The following PLCG2 variants were observed in gnomAD, a reference collection of about 807,000 sequenced individuals.
PLCG2 encodes phospholipase C gamma 2.
In PLCG2, 69 loss-of-function variants were observed where a neutral mutation model predicts 175.6. That is an observed-to-expected ratio of 0.39 (90% CI 0.32 to 0.48). The LOEUF is 0.48. PLCG2 is among the 20% of genes least tolerant of loss of function. The probability of loss-of-function intolerance (pLI) is 0.91; values close to 1 mark genes in which losing one functional copy is unlikely to be tolerated. For missense variants in PLCG2, 1,798 were observed against 1,650.9 expected, an observed-to-expected ratio of 1.09 and a Z score of -1.54; for synonymous variants, 827 against 624.0, an observed-to-expected ratio of 1.33 and a Z score of -4.85.
At chr16:81,924,544 C>T (rs1910182789) in intron 22 of PLCG2, among the ~76,000 whole-genome samples, 1 of 152,214 alleles carries the variant, frequency 6.6e-6, no homozygotes, top group African/African-American at 2.4e-5. Flanking sequence ...ACATAGCAGG[C>T]TGAGATTTGA....
chr16:81,856,156 G>C (rs1906671334), intron 3 of PLCG2, among the ~76,000 whole-genome samples: 1 of 152,170 alleles, frequency 6.6e-6, no homozygotes, highest in Non-Finnish European at 1.5e-5. Flanking sequence ...CTGGCTCTGA[G>C]ACAAACTCAG....
intron 1 of PLCG2, chr16:81,755,813 A>C (rs1404613869): frequency 6.6e-6 from 1 of 152,346 alleles, no homozygotes; most frequent in African/African-American, 2.4e-5. Flanking sequence ...GGTGTGAGCC[A>C]CTGCACCCAG....
chr16:81,806,073 A>G (rs1912008886), intron 2 of PLCG2, among the ~76,000 whole-genome samples: 1 of 152,110 alleles, frequency 6.6e-6, no homozygotes, highest in Non-Finnish European at 1.5e-5. Context: ...CAATATAATT[A>G]TTAACGAGAT....
intron 2 of PLCG2, among the ~76,000 whole-genome samples, chr16:81,810,872 T>G (rs1204726226): frequency 1.3e-5 from 2 of 152,158 alleles, no homozygotes; most frequent in Non-Finnish European, 2.9e-5. Flanking sequence ...TCAAATAATT[T>G]TGTACATGAC....
intron 5 of PLCG2, 70 bp downstream of exon 5, chr16:81,859,233 G>T: frequency 1.0e-6 from 1 of 1,004,062 alleles, no homozygotes; most frequent in South Asian, 1.3e-5. Context: ...AACCTTCCAA[G>T]GGGGTGGGAG....
chr16:81,808,273 C>G (rs1169015801), intron 2 of PLCG2, among the ~76,000 whole-genome samples: 2 of 152,156 alleles, frequency 1.3e-5, no homozygotes, highest in East Asian at 3.9e-4. Flanking sequence ...TTGCATTTGC[C>G]AAGGCCTGTT....
intron 31 of PLCG2, among the ~76,000 whole-genome samples, chr16:81,947,257 G>A (rs1163241553): frequency 6.6e-6 from 1 of 152,238 alleles, no homozygotes; most frequent in Admixed American, 6.5e-5. Context: ...GGCTGCCACT[G>A]TAGGGAGCCA....
intron 2 of PLCG2, among the ~76,000 whole-genome samples, chr16:81,770,079 G>A (rs1910244493): frequency 6.6e-6 from 1 of 152,060 alleles, no homozygotes; most frequent in African/African-American, 2.4e-5. Flanking sequence ...GATTCCAAAT[G>A]CTTTCTCTCC....
At chr16:81,921,531 G>A in intron 21 of PLCG2, 1 of 471,586 alleles carries the variant, frequency 2.1e-6, no homozygotes, top group South Asian at 2.1e-5. Flanking sequence ...GGGCCAAATG[G>A]CTTCTAATGA....
chr16:81,745,468 A>G (rs1339930404), intron 1 of PLCG2, among the ~76,000 whole-genome samples: 1 of 152,208 alleles, frequency 6.6e-6, no homozygotes, highest in Non-Finnish European at 1.5e-5. Flanking sequence ...TGCATTCAAC[A>G]TATTTAACAA....
At chr16:81,751,256 C>T (rs767203405) in intron 1 of PLCG2, among the ~76,000 whole-genome samples, 29 of 152,174 alleles carry the variant, frequency 1.9e-4, no homozygotes, top group Non-Finnish European at 3.7e-4. Context: ...GCTGGGATTA[C>T]AGGCATGAGC....
intron 12 of PLCG2, 33 bp downstream of exon 12, chr16:81,893,827 C>G: frequency 7.2e-7 from 1 of 1,389,868 alleles, no homozygotes; most frequent in South Asian, 1.2e-5. Flanking sequence ...AGGTCAGGCT[C>G]GCAGCAAATT....
chr16:81,821,871 G>GTTT (rs553131341), intron 2 of PLCG2, among the ~76,000 whole-genome samples: 202 of 146,300 alleles, frequency 1.4e-3, no homozygotes, highest in African/African-American at 4.4e-3. Context: ...GATCCAAGAT[G>GTTT]TTTTTTTTTT....
intron 2 of PLCG2, among the ~76,000 whole-genome samples, chr16:81,818,060 C>T (rs561951684): frequency 2.0e-5 from 3 of 152,336 alleles, no homozygotes; most frequent in African/African-American, 7.2e-5. Flanking sequence ...CGGTCACTTC[C>T]TCTCTGTCGG....
chr16:81,910,091 T>TTTGTTG (rs369514332), intron 17 of PLCG2, among the ~76,000 whole-genome samples: 4 of 151,712 alleles, frequency 2.6e-5, no homozygotes, highest in Non-Finnish European at 4.4e-5. Context: ...TGCATCTGGT[T>TTTGTTG]TTGTTGTTGT....
At chr16:81,900,434 C>G (rs559434144) in intron 13 of PLCG2, among the ~76,000 whole-genome samples, 178 bp from the exon 14 acceptor site, 2 of 152,254 alleles carry the variant, frequency 1.3e-5, no homozygotes, top group Non-Finnish European at 2.9e-5. Context: ...AGTCCCAAGA[C>G]TTGTGCCTTC....
chr16:81,788,470 C>T (rs903480160), intron 2 of PLCG2, among the ~76,000 whole-genome samples: 34 of 152,028 alleles, frequency 2.2e-4, no homozygotes, highest in African/African-American at 7.7e-4. Context: ...TTAGTAGAGA[C>T]GGGGTCTCAC....
intron 2 of PLCG2, among the ~76,000 whole-genome samples, chr16:81,786,419 T>C (rs1301583740): frequency 6.6e-6 from 1 of 152,220 alleles, no homozygotes; most frequent in East Asian, 1.9e-4. Context: ...TCAGCCAACA[T>C]GGAAATGGCA....
At chr16:81,906,902 G>A (rs938571814) in intron 15 of PLCG2, among the ~76,000 whole-genome samples, 2 of 152,058 alleles carry the variant, frequency 1.3e-5, no homozygotes, top group African/African-American at 4.8e-5. Context: ...GTTGGGCATG[G>A]TGGCACGTGC....
Sources: allele counts gnomAD v4.1 joint callset (sites outside exome capture counted in the v4.1 genomes callset), GRCh38; gene constraint gnomAD v4.1.1; transcripts MANE v1.5; gene names NCBI Gene and HGNC (gene_info 2026-07-23, HGNC 2026-07-21).